Variants in PHF2 observed in about 807,000 individuals in gnomAD.
The protein encoded by PHF2 is lysine-specific demethylase PHF2.
A neutral mutation model predicts 120.5 loss-of-function variants in PHF2; 27 were observed. The observed-to-expected ratio is 0.22, with a 90% CI of 0.17 to 0.31. The LOEUF is 0.31. Among genes scored for constraint, PHF2 ranks in the 10% least tolerant of loss-of-function variants. The pLI is 1.00. For missense variants in PHF2, 1,024 were observed against 1,434.8 expected (o/e 0.71, Z 4.63); for synonymous variants, 568 against 592.5 (o/e 0.96, Z 0.60).
At chr9:93,622,900 G>C (rs962463682) in intron 1 of PHF2, among the ~76,000 whole-genome samples, 2 of 152,196 alleles carry the variant, frequency 1.3e-5, no homozygotes, top group African/African-American at 4.8e-5. Flanking sequence ...CCTTCTGCCT[G>C]AGGGTCAGCA....
intron 1 of PHF2, among the ~76,000 whole-genome samples, chr9:93,608,330 TAA>T (rs1825578528): frequency 7.6e-6 from 1 of 131,310 alleles, no homozygotes; most frequent in African/African-American, 2.7e-5. Context: ...CTCATAATAA[TAA>T]TAATTATTAT....
At chr9:93,588,649 TG>T (rs1215562385) in intron 1 of PHF2, among the ~76,000 whole-genome samples, 2 of 152,178 alleles carry the variant, frequency 1.3e-5, no homozygotes, top group Non-Finnish European at 1.5e-5. Context: ...CCCAGCACTT[TG>T]GGAGGCTGAG....
At chr9:93,633,095 C>T (rs971280580) in intron 2 of PHF2, among the ~76,000 whole-genome samples, 9 of 152,214 alleles carry the variant, frequency 5.9e-5, no homozygotes, top group Non-Finnish European at 1.3e-4. Flanking sequence ...CTGTCCTGCT[C>T]CTGCCACCCT....
At chr9:93,601,413 G>A (rs1390564251) in intron 1 of PHF2, among the ~76,000 whole-genome samples, 1 of 152,190 alleles carries the variant, frequency 6.6e-6, no homozygotes, top group East Asian at 1.9e-4. Flanking sequence ...TGCTAAGTTT[G>A]CAAACAGGCT....
chr9:93,650,877 C>T (rs991472800), intron 5 of PHF2, among the ~76,000 whole-genome samples: 1 of 152,098 alleles, frequency 6.6e-6, no homozygotes, highest in African/African-American at 2.4e-5. Context: ...GCACATAACA[C>T]GTGCAAAGGG....
chr9:93,589,311 T>C (rs1863125548), intron 1 of PHF2, among the ~76,000 whole-genome samples: 1 of 152,094 alleles, frequency 6.6e-6, no homozygotes, highest in Non-Finnish European at 1.5e-5. Flanking sequence ...AGGGAAACTG[T>C]GTGTGTGGTG....
At chr9:93,646,826 C>T (rs1336695698) in intron 4 of PHF2, among the ~76,000 whole-genome samples, 1 of 152,092 alleles carries the variant, frequency 6.6e-6, no homozygotes, top group African/African-American at 2.4e-5. Context: ...TGGTAGCTGT[C>T]AGACATCTCG....
chr9:93,653,146 G>T (rs1205968917), intron 5 of PHF2, 33 bp from the exon 6 acceptor site: 9 of 1,603,022 alleles, frequency 5.6e-6, no homozygotes, highest in Non-Finnish European at 7.7e-6. Context: ...GGGAGTCCCA[G>T]GTTCCCTCAC....
At chr9:93,596,558 G>T (rs1825336255) in intron 1 of PHF2, among the ~76,000 whole-genome samples, 1 of 152,008 alleles carries the variant, frequency 6.6e-6, no homozygotes, top group African/African-American at 2.4e-5. Context: ...GTCGGGAGGG[G>T]CAGGGCTCGA....
rs1587689028 is a variant in PHF2 at position 93,623,777 on chromosome 9, T to C, written c.99-6193T>C. ...CTTGACTTTAGCTTGTATTCTAAGA[T>C]AGAGTGAACTTTATATTTTCAAAAA... On this transcript the variant is annotated intron_variant, in intron 1 of 21. Transcript: ENST00000359246. Among the ~76,000 whole-genome samples the C allele has an allele frequency of 2.0e-5, 3 of 152,362 alleles. No homozygotes were observed. In the East Asian group the frequency reaches 5.8e-4, roughly 29 times the overall value.
chr9:93,610,071 A>AT (rs34525240), intron 1 of PHF2, among the ~76,000 whole-genome samples: 1 of 151,074 alleles, frequency 6.6e-6, no homozygotes, highest in Admixed American at 6.6e-5. Context: ...CTAGGTGTAG[A>AT]TTTTTTTTTG....
chr9:93,663,685 A>C (rs1415885758), intron 14 of PHF2, 50 bp downstream of exon 14: 1 of 1,014,568 alleles, frequency 9.9e-7, no homozygotes, highest in Admixed American at 1.8e-5. Context: ...AACCGACATC[A>C]CACACACCAT....
rs1376303649 is a variant in PHF2 at position 93,622,283 on chromosome 9, C to T, written c.99-7687C>T. ...CAGCCAGCCTGTCCATACACCGAGC[C>T]TGAGGTCACCCTGAGGTGTGTTTCT... On this transcript the variant is annotated intron_variant, in intron 1 of 21. Transcript: ENST00000359246. Among the ~76,000 whole-genome samples the T allele has an allele frequency of 2.0e-5, 3 of 152,224 alleles. No homozygotes were observed. In the East Asian group the frequency reaches 5.8e-4, roughly 29 times the overall value.
At chr9:93,659,399 C>A in intron 10 of PHF2, 112 bp from the exon 11 acceptor site, 2 of 838,072 alleles carry the variant, frequency 2.4e-6, no homozygotes, top group Non-Finnish European at 2.0e-6. Context: ...AGCCCCTCGC[C>A]TCATGCTCAT....
intron 9 of PHF2, among the ~76,000 whole-genome samples, chr9:93,657,352 G>A (rs993102891): frequency 1.3e-5 from 2 of 152,194 alleles, no homozygotes; most frequent in Non-Finnish European, 2.9e-5. Flanking sequence ...GCCAGGTTGC[G>A]GTAAGATTTT....
At chr9:93,627,392 T>C (rs1188016643) in intron 1 of PHF2, among the ~76,000 whole-genome samples, 1 of 152,164 alleles carries the variant, frequency 6.6e-6, no homozygotes, top group African/African-American at 2.4e-5. Context: ...TTTTTCTGTG[T>C]ATGGATTCCT....
At chr9:93,634,761 G>A (rs1826062823) in intron 2 of PHF2, among the ~76,000 whole-genome samples, 1 of 152,234 alleles carries the variant, frequency 6.6e-6, no homozygotes, top group Non-Finnish European at 1.5e-5. Flanking sequence ...ACTGTGTGCT[G>A]GGCCCAGTAC....
intron 12 of PHF2, among the ~76,000 whole-genome samples, chr9:93,662,274 G>T (rs1826584448): frequency 6.6e-6 from 1 of 152,064 alleles, no homozygotes; most frequent in Non-Finnish European, 1.5e-5. Context: ...TAAATGAATG[G>T]ATGGGTAGAT....
At chr9:93,582,816 C>T (rs1862956108) in intron 1 of PHF2, among the ~76,000 whole-genome samples, 1 of 152,172 alleles carries the variant, frequency 6.6e-6, no homozygotes, top group South Asian at 2.1e-4. Flanking sequence ...GTGTGAGCCT[C>T]ATCTTAATTG....
Sources: gnomAD v4.1 joint callset for allele counts (sites outside exome capture counted in the v4.1 genomes callset) on GRCh38, gnomAD v4.1.1 for gene constraint, MANE v1.5 for transcripts, NCBI Gene and HGNC (gene_info 2026-07-23, HGNC 2026-07-21) for gene names.